ALKBH1: variants seen among roughly 807,000 people sequenced by gnomAD.
ALKBH1 encodes the protein alkB homolog 1, histone H2A dioxygenase.
ALKBH1 carries 31 observed loss-of-function variants against 36.6 expected under a neutral mutation model. The observed-to-expected ratio is 0.85, with a 90% CI of 0.64 to 1.14. ALKBH1 has a LOEUF of 1.14. Among genes scored for constraint, ALKBH1 ranks in the 50% most tolerant of loss-of-function variants. ALKBH1 has a pLI of 0.00. For synonymous variants in ALKBH1, 183 were observed against 186.6 expected, an observed-to-expected ratio of 0.98 and a Z score of 0.16; for missense variants, 490 against 497.3, an observed-to-expected ratio of 0.99 and a Z score of 0.14.
intron 2 of ALKBH1, among the ~76,000 whole-genome samples, chr14:77,703,392 T>C (rs1006639194): frequency 2.0e-5 from 3 of 151,084 alleles, no homozygotes; most frequent in African/African-American, 7.3e-5. Context: ...CCCGGGATCA[T>C]GCCATTCTCC....
At position 77,704,360 on chromosome 14, in the gene ALKBH1, T is replaced by C. The variant is rs1420850483; in HGVS notation, c.292+9A>G. On this transcript the variant is annotated intron_variant, in intron 2 of 5. Coordinates refer to ENST00000216489, the MANE Select transcript of ALKBH1 (RefSeq NM_006020.3). The stretch of plus-strand genomic sequence containing the variant: ...TGATATTGCCTTCTCTGAGGTCAGT[T>C]ACACTCACCAGGATAGCCTTTGAGT... The C allele has an allele frequency of 1.9e-6, 3 of 1,594,114 alleles. No homozygotes were observed. The highest frequency in any genetic ancestry group is 2.6e-6 in the Non-Finnish European group (3 of 1,161,736).
At chr14:77,703,547 G>A (rs936332838) in intron 2 of ALKBH1, among the ~76,000 whole-genome samples, 3 of 150,012 alleles carry the variant, frequency 2.0e-5, no homozygotes, top group South Asian at 2.1e-4. Context: ...CGCCCGCCTC[G>A]GCCTCCCAAA....
At chr14:77,674,495 A>T (rs2080194085) in intron 5 of ALKBH1, among the ~76,000 whole-genome samples, 2 of 152,196 alleles carry the variant, frequency 1.3e-5, no homozygotes, top group African/African-American at 4.8e-5. Context: ...GGATGCAGTT[A>T]AATAAGCAAA....
intron 4 of ALKBH1, among the ~76,000 whole-genome samples, chr14:77,676,428 C>CT (rs949797340): frequency 1.3e-5 from 2 of 152,148 alleles, no homozygotes; most frequent in Non-Finnish European, 2.9e-5. Flanking sequence ...TTAGTATACT[C>CT]TATCTGTAAA....
intron 3 of ALKBH1, among the ~76,000 whole-genome samples, chr14:77,691,251 A>G (rs1401349925): frequency 1.3e-5 from 2 of 152,130 alleles, no homozygotes; most frequent in African/African-American, 2.4e-5. Flanking sequence ...GCTTAAGTTC[A>G]AGTATTTCTT....
intron 2 of ALKBH1, among the ~76,000 whole-genome samples, chr14:77,696,372 T>C (rs560593222): frequency 1.4e-3 from 219 of 152,222 alleles, no homozygotes; most frequent in African/African-American, 5.0e-3. Context: ...TTATTTTCAG[T>C]AGAGACGGGG....
chr14:77,704,052 A>G lies in ALKBH1; in HGVS notation c.292+317T>C, dbSNP rs541776157. 2.0e-5 allele frequency among the ~76,000 whole-genome samples: 3 copies of G among 152,342 alleles called. No homozygotes were observed. The East Asian group carries it at 5.8e-4, about 29-fold the overall frequency. ...TGACATTTATTACAATGATAATGATAAATTATTCTTCACAGCACTTCTGCC... is the reference window on the plus strand; with the variant it reads ...TGACATTTATTACAATGATAATGATGAATTATTCTTCACAGCACTTCTGCC... On this transcript the variant is annotated intron_variant, in intron 2 of 5. Coordinates refer to ENST00000216489, the MANE Select transcript of ALKBH1 (RefSeq NM_006020.3).
intron 4 of ALKBH1, among the ~76,000 whole-genome samples, 156 bp from the exon 5 acceptor site, chr14:77,676,005 T>TG (rs1184266375): frequency 6.6e-6 from 1 of 151,716 alleles, no homozygotes; most frequent in African/African-American, 2.4e-5. Context: ...TTTCTTTTTT[T>TG]TTTTTTTTAA....
chr14:77,679,647 C>T (rs2080225933), intron 4 of ALKBH1, among the ~76,000 whole-genome samples: 1 of 152,024 alleles, frequency 6.6e-6, no homozygotes, highest in African/African-American at 2.4e-5. Flanking sequence ...CCCAGGCTGG[C>T]AGCAAACTCC....
chr14:77,677,492 C>T (rs1310996132), intron 4 of ALKBH1, among the ~76,000 whole-genome samples: 1 of 152,196 alleles, frequency 6.6e-6, no homozygotes, highest in Non-Finnish European at 1.5e-5. Context: ...TGATGCTCCT[C>T]TGCTCTCACT....
intron 3 of ALKBH1, chr14:77,683,312 A>G: frequency 1.3e-6 from 1 of 743,086 alleles, no homozygotes; most frequent in Non-Finnish European, 2.5e-6. Flanking sequence ...AGTTGAACTC[A>G]GGTACCTTTC....
Position 77,683,569 on chromosome 14 carries a change from A to T in ALKBH1, c.456-3599T>A, listed in dbSNP as rs545937146. 8.7e-5 allele frequency: 44 copies of T among 505,130 alleles called. No individual in the cohort carries two copies. In the East Asian group the frequency reaches 9.3e-4, roughly 11 times the overall value. The allele number at this position is 505,130 out of a possible 1,614,324, so 31.3% of individuals were successfully genotyped here. ...CATTCCCATTCCCTTAATGTCGACA[A>T]CATCATCCTCCTTTTTTTTTGAGAT... is the stretch of plus-strand genomic sequence containing the variant. On this transcript the variant is annotated intron_variant, in intron 3 of 5. Coordinates refer to ENST00000216489, the MANE Select transcript of ALKBH1 (RefSeq NM_006020.3).
chr14:77,673,938 G>A lies in ALKBH1; in HGVS notation c.1044C>T (p.Ala348=). The change falls in exon 6 of 6, where the codon GCC becomes GCT. Residue 348 remains alanine (A), a synonymous_variant. Transcript: ENST00000216489. ...RVNMTVRQVL[A]TDQNFPLEPI... The stretch of plus-strand genomic sequence containing the variant: ...GTTCTAGAGGGAAATTCTGGTCTGT[G>A]GCCAGGACCTGTCGGACAGTCATGT... The A allele has an allele frequency of 6.2e-7, 1 of 1,614,150 alleles. No homozygotes were observed. Among genetic ancestry groups the A allele is most frequent in the Non-Finnish European group, 8.5e-7 (1 of 1,180,036 alleles).
chr14:77,685,282 A>C (rs1298985788), intron 3 of ALKBH1, among the ~76,000 whole-genome samples: 1 of 152,062 alleles, frequency 6.6e-6, no homozygotes, highest in Non-Finnish European at 1.5e-5. Flanking sequence ...GTCTCTACTA[A>C]AAAACCAAAA....
At chr14:77,683,135 C>T (rs2080247430) in intron 3 of ALKBH1, 1 of 544,176 alleles carries the variant, frequency 1.8e-6, no homozygotes, top group Admixed American at 3.2e-5. Context: ...AGGCATCACA[C>T]CAAGCTGTAA....
chr14:77,707,055 TA>T (rs1285393646), intron 1 of ALKBH1, among the ~76,000 whole-genome samples: 6 of 152,226 alleles, frequency 3.9e-5, no homozygotes, highest in Non-Finnish European at 7.3e-5. Context: ...TATGTTCCCT[TA>T]AAAAAATAAT....
intron 2 of ALKBH1, among the ~76,000 whole-genome samples, chr14:77,702,635 T>G (rs1458122648): frequency 6.6e-6 from 1 of 152,200 alleles, no homozygotes; most frequent in African/African-American, 2.4e-5. Flanking sequence ...TTACCTATTC[T>G]TCATTATTTT....
chr14:77,679,828 G>A, intron 4 of ALKBH1, 52 bp downstream of exon 4: 2 of 1,327,234 alleles, frequency 1.5e-6, no homozygotes, highest in East Asian at 4.6e-5. Context: ...CAACTATGTG[G>A]GCTAAAGAAG....
Position 77,674,048 on chromosome 14 carries a change from C to A in ALKBH1, c.934G>T (p.Val312Phe), listed in dbSNP as rs1196227176. The A allele has an allele frequency of 6.2e-7, 1 of 1,614,074 alleles. No homozygotes were observed. The highest frequency in any genetic ancestry group is 1.3e-5 in the African/African-American group (1 of 74,920). Residue 312 changes from valine to phenylalanine, a missense_variant, in exon 6 of 6, where the codon GTC (valine) becomes TTC (phenylalanine). By Grantham distance (50) the Val-to-Phe change is conservative (BLOSUM62 -1). Transcript: ENST00000216489. ...TCTACCATTGAATCTCTCGGGAGGA[C>A]AGCAGGGAGAGGTGCCTCTAGGCAG... ...PHCLEAPLPA[V>F]LPRDSMVEPC...
Sources: gnomAD v4.1 joint callset for allele counts (sites outside exome capture counted in the v4.1 genomes callset) on GRCh38, gnomAD v4.1.1 for gene constraint, MANE v1.5 for transcripts, NCBI Gene and HGNC (gene_info 2026-07-23, HGNC 2026-07-21) for gene names.